The following REEP3 variants were observed in gnomAD, a reference collection of about 807,000 sequenced individuals.
The protein encoded by REEP3 is receptor accessory protein 3.
Under a neutral mutation model 41.3 loss-of-function variants are expected in REEP3, and 20 were observed. The observed-to-expected ratio is 0.48, with a 90% CI of 0.34 to 0.70. The LOEUF (loss-of-function observed/expected upper bound fraction) is 0.70. Among genes scored for constraint, REEP3 ranks in the 30% least tolerant of loss-of-function variants. REEP3 has a pLI of 0.01. For missense variants in REEP3, 271 were observed against 308.8 expected, an observed-to-expected ratio of 0.88 and a Z score of 0.92; for synonymous variants, 104 against 101.8, an observed-to-expected ratio of 1.02 and a Z score of -0.13.
intron 2 of REEP3, among the ~76,000 whole-genome samples, chr10:63,582,202 C>A (rs1955961244): frequency 6.6e-6 from 1 of 152,218 alleles, no homozygotes; most frequent in South Asian, 2.1e-4. Context: ...TTCCAACAGG[C>A]TTCCAGGTGA....
chr10:63,607,659 C>T (rs1956240978), intron 5 of REEP3, among the ~76,000 whole-genome samples: 1 of 152,172 alleles, frequency 6.6e-6, no homozygotes, highest in South Asian at 2.1e-4. Context: ...TTACTTATTA[C>T]ATGCTCAATA....
intron 2 of REEP3, among the ~76,000 whole-genome samples, chr10:63,584,179 G>T (rs1293445122): frequency 1.3e-5 from 2 of 152,102 alleles, no homozygotes; most frequent in African/African-American, 4.8e-5. Flanking sequence ...TATATAATGT[G>T]AGGCTTTCTC....
intron 1 of REEP3, among the ~76,000 whole-genome samples, chr10:63,536,950 C>G (rs916167071): frequency 6.6e-6 from 1 of 152,172 alleles, no homozygotes; most frequent in African/African-American, 2.4e-5. Flanking sequence ...CAATTTGGCC[C>G]TAACTTATAG....
rs1018291116 is a variant in REEP3, at chr10:63,621,071, T to A, written c.*202T>A. On this transcript the variant is annotated 3_prime_UTR_variant, in exon 8 of 8. Transcript: ENST00000373758. Reference sequence around the variant, plus strand: ...GACTACTAAAGGCAGTTCTGCAAGATGTACTAAATATGTATATTAGAAATT... The same window carrying A: ...GACTACTAAAGGCAGTTCTGCAAGAAGTACTAAATATGTATATTAGAAATT... The A allele has an allele frequency of 4.5e-6, 2 of 444,468 alleles. No individual in the cohort carries two copies. The highest frequency in any genetic ancestry group is 8.0e-6 in the Non-Finnish European group (2 of 248,770). The allele number at this position is 444,468 out of a possible 1,614,324, so 27.5% of individuals were successfully genotyped here.
chr10:63,596,829 G>C (rs1433181815), intron 3 of REEP3, among the ~76,000 whole-genome samples: 1 of 152,186 alleles, frequency 6.6e-6, no homozygotes, highest in Non-Finnish European at 1.5e-5. Context: ...CCAAGCTGGA[G>C]TGCAATGGCA....
At chr10:63,615,078 AG>A (rs1405893652) in intron 6 of REEP3, among the ~76,000 whole-genome samples, 12 of 152,218 alleles carry the variant, frequency 7.9e-5, no homozygotes, top group African/African-American at 2.9e-4. Flanking sequence ...TCCAGATTGT[AG>A]GGAAAAAAAA....
At chr10:63,545,565 G>T (rs1407028350) in intron 1 of REEP3, among the ~76,000 whole-genome samples, 1 of 151,904 alleles carries the variant, frequency 6.6e-6, no homozygotes, top group Non-Finnish European at 1.5e-5. Flanking sequence ...AGTAGAGACA[G>T]GGTTTCACCA....
chr10:63,597,914 AAAAAAAC>A (rs1956131134), intron 3 of REEP3, 103 bp from the exon 4 acceptor site: 1 of 1,011,442 alleles, frequency 9.9e-7, no homozygotes. Context: ...TCTCAAAAAA[AAAAAAAC>A]AAAAAACAGC....
chr10:63,537,768 C>G (rs1955488478), intron 1 of REEP3, among the ~76,000 whole-genome samples: 1 of 152,130 alleles, frequency 6.6e-6, no homozygotes, highest in Admixed American at 6.5e-5. Context: ...GGGGCTGCAC[C>G]TGTCATGATG....
At chr10:63,535,174 CA>C (rs1404702104) in intron 1 of REEP3, among the ~76,000 whole-genome samples, 1 of 151,434 alleles carries the variant, frequency 6.6e-6, no homozygotes, top group African/African-American at 2.4e-5. Flanking sequence ...TACAGAAGGC[CA>C]AAATAAAGGG....
intron 2 of REEP3, among the ~76,000 whole-genome samples, chr10:63,592,248 A>C (rs557860068): frequency 1.3e-5 from 2 of 152,292 alleles, no homozygotes; most frequent in African/African-American, 4.8e-5. Flanking sequence ...GCCATTTCCT[A>C]GTGCAGTGAT....
intron 2 of REEP3, among the ~76,000 whole-genome samples, chr10:63,578,074 G>GGTAT (rs1487283561): frequency 3.3e-5 from 5 of 151,890 alleles, no homozygotes; most frequent in African/African-American, 7.3e-5. Flanking sequence ...GTTACTCTGT[G>GGTAT]GTATGTATGT....
chr10:63,560,508 T>C (rs1955730607), intron 1 of REEP3, among the ~76,000 whole-genome samples: 1 of 152,240 alleles, frequency 6.6e-6, no homozygotes, highest in Non-Finnish European at 1.5e-5. Context: ...TAAGTGGTTT[T>C]ATTTTTCATC....
At chr10:63,557,786 C>T (rs889370324) in intron 1 of REEP3, among the ~76,000 whole-genome samples, 21 of 151,946 alleles carry the variant, frequency 1.4e-4, no homozygotes, top group Non-Finnish European at 7.4e-5. Flanking sequence ...AAATAGCAAT[C>T]AAAGAAAATA....
intron 2 of REEP3, among the ~76,000 whole-genome samples, chr10:63,589,789 T>A (rs1322736112): frequency 1.8e-5 from 2 of 112,314 alleles, no homozygotes; most frequent in Non-Finnish European, 1.8e-5. Flanking sequence ...GAACATCTTT[T>A]TTTTTTTTTT....
intron 2 of REEP3, among the ~76,000 whole-genome samples, chr10:63,572,917 A>G (rs886738725): frequency 6.6e-6 from 1 of 152,338 alleles, no homozygotes; most frequent in African/African-American, 2.4e-5. Flanking sequence ...TCTTAAGTGG[A>G]TTGATCTAGT....
At chr10:63,537,103 G>A (rs1391753200) in intron 1 of REEP3, among the ~76,000 whole-genome samples, 2 of 152,172 alleles carry the variant, frequency 1.3e-5, no homozygotes, top group Non-Finnish European at 2.9e-5. Flanking sequence ...AAAAATAATA[G>A]TTTACGTGGA....
chr10:63,594,348 G>C (rs1409811322), intron 2 of REEP3, among the ~76,000 whole-genome samples: 1 of 152,050 alleles, frequency 6.6e-6, no homozygotes, highest in Admixed American at 6.6e-5. Flanking sequence ...GATCGTAATT[G>C]TACCACTGCA....
chr10:63,598,443 C>T (rs1292577245), intron 4 of REEP3, among the ~76,000 whole-genome samples: 1 of 125,638 alleles, frequency 8.0e-6, no homozygotes, highest in African/African-American at 3.1e-5. Context: ...GAGATCTCAC[C>T]ATTGCACTCC....
Sources: gnomAD v4.1 joint callset for allele counts (sites outside exome capture counted in the v4.1 genomes callset) on GRCh38, gnomAD v4.1.1 for gene constraint, MANE v1.5 for transcripts, NCBI Gene and HGNC (gene_info 2026-07-23, HGNC 2026-07-21) for gene names.